CSMD1: variants seen among roughly 807,000 people sequenced by gnomAD.
CSMD1 encodes the protein CUB and Sushi multiple domains 1, also known as CUB and sushi domain-containing protein 1.
Under a neutral mutation model 417.5 loss-of-function variants are expected in CSMD1, and 213 were observed. The ratio of observed to expected loss-of-function variants is 0.51; its 90% CI spans 0.46 to 0.57. The LOEUF (loss-of-function observed/expected upper bound fraction) is 0.57, where lower values mean the gene tolerates loss of function less well. Ranked by LOEUF, CSMD1 falls within the 20% of genes least tolerant of loss-of-function variation. The pLI is 0.00. For missense variants in CSMD1, 6,923 were observed against 4,529.7 expected (o/e 1.53, Z -15.17); for synonymous variants, 2,862 against 1,736.8 (o/e 1.65, Z -16.11).
At chr8:4,769,987 C>G (rs896677538) in intron 1 of CSMD1, among the ~76,000 whole-genome samples, 10 of 152,026 alleles carry the variant, frequency 6.6e-5, no homozygotes, top group African/African-American at 2.4e-4. Flanking sequence ...CAGAAACTCT[C>G]TCTCCCTCCC....
chr8:3,146,974 C>G (rs953771545), intron 40 of CSMD1, among the ~76,000 whole-genome samples: 12 of 152,188 alleles, frequency 7.9e-5, no homozygotes, highest in African/African-American at 2.9e-4. Flanking sequence ...TAAAATCCTC[C>G]CAAGGTGAAA....
intron 3 of CSMD1, among the ~76,000 whole-genome samples, chr8:4,096,777 C>T (rs1017478821): frequency 6.6e-6 from 1 of 152,184 alleles, no homozygotes; most frequent in Non-Finnish European, 1.5e-5. Context: ...TTAGAAGACA[C>T]TTGCGGAGTT....
In CSMD1 at chr8:4,261,413, G is replaced by A. The variant is rs191520593; in HGVS notation, c.415+158540C>T. ...TGGTAGTTGCCAGGGGCTGGGGAGA[G>A]GGGAAATGGGGAATAATTGTCAAAG... On this transcript the variant is annotated intron_variant, in intron 3 of 69. Transcript: ENST00000635120. 2.9e-4 allele frequency among the ~76,000 whole-genome samples: 44 copies of A among 152,240 alleles called. No individual in the cohort carries two copies. The East Asian group carries it at 6.2e-3, about 21-fold the overall frequency.
At chr8:4,464,823 G>T (rs1800059983) in intron 2 of CSMD1, among the ~76,000 whole-genome samples, 2 of 152,038 alleles carry the variant, frequency 1.3e-5, no homozygotes, top group Non-Finnish European at 2.9e-5. Flanking sequence ...TGAAGTTTTG[G>T]GAGGAAAGTA....
chr8:3,936,796 A>G (rs556149751), intron 5 of CSMD1, among the ~76,000 whole-genome samples: 1 of 152,316 alleles, frequency 6.6e-6, no homozygotes, highest in African/African-American at 2.4e-5. Flanking sequence ...AATTATTGTT[A>G]TTTAAGAAAT....
Position 4,495,722 on chromosome 8 carries a change from G to A in CSMD1, c.303-75657C>T, listed in dbSNP as rs576536836. On this transcript the variant is annotated intron_variant, in intron 2 of 69. Transcript: ENST00000635120. Reference sequence around the variant, plus strand: ...AGAAAGGTTAGCTTCCCTCCTTATAGGAGAGTTATATTGTTGATTTGGTGA... The same window carrying A: ...AGAAAGGTTAGCTTCCCTCCTTATAAGAGAGTTATATTGTTGATTTGGTGA... 2.0e-5 allele frequency among the ~76,000 whole-genome samples: 3 copies of A among 149,276 alleles called. No individual in the cohort carries two copies. The East Asian group carries it at 6.1e-4, about 30-fold the overall frequency.
At chr8:3,162,409 A>C in intron 37 of CSMD1, 132 bp from the exon 38 acceptor site, 1 of 649,464 alleles carries the variant, frequency 1.5e-6, no homozygotes, top group South Asian at 1.8e-5. Context: ...TTCTCTTGTT[A>C]TTCTACCAAG....
chr8:4,437,423 G>A (rs1186185101), intron 2 of CSMD1, among the ~76,000 whole-genome samples: 1 of 152,106 alleles, frequency 6.6e-6, no homozygotes, highest in Admixed American at 6.6e-5. Context: ...ACATTTTCTA[G>A]TCATGATTAT....
intron 38 of CSMD1, among the ~76,000 whole-genome samples, chr8:3,159,824 G>C (rs1203938401): frequency 6.6e-6 from 1 of 152,170 alleles, no homozygotes; most frequent in African/African-American, 2.4e-5. Context: ...TCCATTATAA[G>C]AAATTTCTTT....
At chr8:4,590,204 C>G (rs1479330154) in intron 2 of CSMD1, among the ~76,000 whole-genome samples, 2 of 151,624 alleles carry the variant, frequency 1.3e-5, no homozygotes, top group Admixed American at 1.3e-4. Flanking sequence ...ACCAGGATAA[C>G]TCATCTGTGG....
chr8:3,017,992 A>C (rs1158948444), intron 52 of CSMD1, among the ~76,000 whole-genome samples: 1 of 152,156 alleles, frequency 6.6e-6, no homozygotes, highest in Non-Finnish European at 1.5e-5. Context: ...TTTCCAATGG[A>C]AACATTTTTC....
intron 12 of CSMD1, among the ~76,000 whole-genome samples, chr8:3,437,640 G>C (rs1814655048): frequency 6.6e-6 from 1 of 152,084 alleles, no homozygotes. Flanking sequence ...AGATGGTTGT[G>C]ATTATAATTT....
At chr8:3,033,017 C>G (rs1028826419) in intron 50 of CSMD1, among the ~76,000 whole-genome samples, 11 of 152,050 alleles carry the variant, frequency 7.2e-5, no homozygotes, top group Admixed American at 6.6e-4. Flanking sequence ...CAACTTGACA[C>G]TTCTGAATAT....
chr8:4,721,769 G>C (rs1299230910), intron 1 of CSMD1, among the ~76,000 whole-genome samples: 3 of 152,026 alleles, frequency 2.0e-5, no homozygotes, highest in Non-Finnish European at 2.9e-5. Context: ...TGTTCACTGA[G>C]GTATCATTCA....
rs368391435 is a variant in CSMD1, at chr8:3,435,659, C to T, written c.1562-26054G>A. 8.1e-4 allele frequency among the ~76,000 whole-genome samples: 124 copies of T among 152,294 alleles called. No homozygotes were observed. In the South Asian group the frequency reaches 0.022, roughly 27 times the overall value. On this transcript the variant is annotated intron_variant, in intron 12 of 69. Coordinates refer to ENST00000635120, the MANE Select transcript of CSMD1 (RefSeq NM_033225.6). ...CATGAGGCAACTCCTCTCACCTGCACGGTGCCACCCACCTTCCGTCCTACC... is the reference window on the plus strand; with the variant it reads ...CATGAGGCAACTCCTCTCACCTGCATGGTGCCACCCACCTTCCGTCCTACC...
intron 10 of CSMD1, among the ~76,000 whole-genome samples, chr8:3,511,234 G>C (rs996170951): frequency 7.3e-5 from 11 of 151,694 alleles, no homozygotes; most frequent in Non-Finnish European, 1.5e-4. Flanking sequence ...CTGTTGGGGG[G>C]TGAGAGGCTA....
At chr8:3,677,251 T>A (rs1202972356) in intron 7 of CSMD1, among the ~76,000 whole-genome samples, 3 of 152,176 alleles carry the variant, frequency 2.0e-5, no homozygotes, top group Non-Finnish European at 4.4e-5. Flanking sequence ...ATTAATAGCA[T>A]GCATCGAAAA....
At chr8:3,520,936 G>C (rs944072266) in intron 10 of CSMD1, among the ~76,000 whole-genome samples, 3 of 152,020 alleles carry the variant, frequency 2.0e-5, no homozygotes, top group Admixed American at 6.6e-5. Context: ...ATGATTGTTG[G>C]TTCCTCCTTT....
intron 4 of CSMD1, among the ~76,000 whole-genome samples, chr8:4,024,785 T>C (rs1334979764): frequency 6.6e-6 from 1 of 152,222 alleles, no homozygotes; most frequent in Non-Finnish European, 1.5e-5. Context: ...ACGTAGTTTA[T>C]GACAGCTTGT....
Sources: allele counts gnomAD v4.1 joint callset (sites outside exome capture counted in the v4.1 genomes callset), GRCh38; gene constraint gnomAD v4.1.1; transcripts MANE v1.5; gene names NCBI Gene and HGNC (gene_info 2026-07-23, HGNC 2026-07-21).